The following TENM4 variants were observed in gnomAD, a reference collection of about 807,000 sequenced individuals.
The protein encoded by TENM4 is teneurin-4.
A neutral mutation model predicts 243.3 loss-of-function variants in TENM4; 82 were observed. The observed-to-expected ratio is 0.34, with a 90% confidence interval of 0.28 to 0.40. The LOEUF is 0.40. TENM4 is among the 10% of genes least tolerant of loss of function. TENM4 has a pLI of 1.00. For synonymous variants in TENM4, 1,412 were observed against 1,456.3 expected (o/e 0.97, Z 0.69); for missense variants, 3,138 against 3,673.3 (o/e 0.85, Z 3.77).
At chr11:79,147,891 A>T (rs1308881091) in intron 4 of TENM4, among the ~76,000 whole-genome samples, 2 of 152,108 alleles carry the variant, frequency 1.3e-5, no homozygotes, top group African/African-American at 4.8e-5. Context: ...GGCCCATTCC[A>T]GTGCCTGAGA....
chr11:79,369,325 C>T (rs905795762), intron 1 of TENM4, among the ~76,000 whole-genome samples: 5 of 152,156 alleles, frequency 3.3e-5, no homozygotes, highest in African/African-American at 1.2e-4. Flanking sequence ...AGTTAAGTAG[C>T]GGATGAAATC....
At chr11:78,687,332 C>T (rs769346172) in intron 29 of TENM4, among the ~76,000 whole-genome samples, 8 of 152,178 alleles carry the variant, frequency 5.3e-5, no homozygotes, top group Non-Finnish European at 8.8e-5. Flanking sequence ...CTGACTCTTA[C>T]CCTGAGGCTC....
chr11:78,939,822 A>G (rs1329394838), intron 6 of TENM4, among the ~76,000 whole-genome samples: 1 of 152,228 alleles, frequency 6.6e-6, no homozygotes, highest in Non-Finnish European at 1.5e-5. Context: ...TTTTTAAACA[A>G]GTTAGGCTAT....
At chr11:79,109,198 A>G (rs1565207222) in intron 4 of TENM4, among the ~76,000 whole-genome samples, 2 of 152,140 alleles carry the variant, frequency 1.3e-5, no homozygotes, top group South Asian at 4.1e-4. Flanking sequence ...TTTTTAATGG[A>G]AGCAGAATAT....
chr11:79,371,450 G>A (rs1030193797), intron 1 of TENM4, among the ~76,000 whole-genome samples: 3 of 152,132 alleles, frequency 2.0e-5, no homozygotes, highest in African/African-American at 7.2e-5. Context: ...ACCAGTTTGG[G>A]ATATGGGCCA....
intron 18 of TENM4, among the ~76,000 whole-genome samples, chr11:78,760,273 G>A (rs1856400198): frequency 6.6e-6 from 1 of 152,290 alleles, no homozygotes; most frequent in Admixed American, 6.5e-5. Context: ...GAGGTCGACG[G>A]AGCCTTTTAT....
chr11:78,780,465 G>A (rs1856818652), intron 16 of TENM4, among the ~76,000 whole-genome samples: 1 of 152,188 alleles, frequency 6.6e-6, no homozygotes, highest in Non-Finnish European at 1.5e-5. Context: ...TCTGAATCCA[G>A]TTATAGAAGA....
chr11:79,066,686 ATGCACACTCGAGCACACACACG>A (rs1445504995), intron 5 of TENM4, among the ~76,000 whole-genome samples: 78 of 151,236 alleles, frequency 5.2e-4, no homozygotes, highest in African/African-American at 1.9e-3. Flanking sequence ...ACACGCACGC[ATGCACACTCGAGCACACACACG>A]CATGCACACT....
intron 6 of TENM4, among the ~76,000 whole-genome samples, chr11:79,057,561 A>G (rs565938557): frequency 6.6e-6 from 1 of 152,232 alleles, no homozygotes; most frequent in African/African-American, 2.4e-5. Flanking sequence ...CCCCCTTTCC[A>G]TAACAACTAT....
intron 1 of TENM4, among the ~76,000 whole-genome samples, chr11:79,425,627 G>T (rs1056926293): frequency 3.9e-5 from 6 of 152,196 alleles, no homozygotes; most frequent in African/African-American, 1.4e-4. Flanking sequence ...TGTTGGCAGT[G>T]TTGCTGTGCT....
intron 3 of TENM4, among the ~76,000 whole-genome samples, chr11:79,161,979 C>T (rs1390960413): frequency 6.6e-6 from 1 of 152,176 alleles, no homozygotes; most frequent in East Asian, 1.9e-4. Flanking sequence ...ATCTGAGTGA[C>T]AATGATTGGG....
At chr11:78,941,225 T>A (rs1213157252) in intron 6 of TENM4, among the ~76,000 whole-genome samples, 1 of 152,138 alleles carries the variant, frequency 6.6e-6, no homozygotes, top group African/African-American at 2.4e-5. Context: ...GCCTCACTTG[T>A]GAAAAGAGGA....
chr11:78,931,688 G>A (rs1856672835), intron 6 of TENM4, among the ~76,000 whole-genome samples: 1 of 152,146 alleles, frequency 6.6e-6, no homozygotes. Context: ...GCTGCTATGG[G>A]GTAGAGTCAC....
At chr11:79,079,385 G>A (rs1337157244) in intron 4 of TENM4, among the ~76,000 whole-genome samples, 1 of 152,232 alleles carries the variant, frequency 6.6e-6, no homozygotes, top group East Asian at 1.9e-4. Context: ...GGCTGGGCAT[G>A]TGCAGGGCCT....
At chr11:78,990,735 C>A (rs1406126790) in intron 6 of TENM4, among the ~76,000 whole-genome samples, 1 of 152,130 alleles carries the variant, frequency 6.6e-6, no homozygotes, top group Non-Finnish European at 1.5e-5. Context: ...CTTTACTTTT[C>A]ATTTTACACC....
intron 6 of TENM4, among the ~76,000 whole-genome samples, chr11:78,940,933 G>A (rs1856878789): frequency 6.6e-6 from 1 of 152,194 alleles, no homozygotes; most frequent in African/African-American, 2.4e-5. Flanking sequence ...CTCTGTTAAA[G>A]CCAAGAGCTG....
At chr11:78,665,987 T>A (rs1427673998) in intron 32 of TENM4, among the ~76,000 whole-genome samples, 2 of 152,178 alleles carry the variant, frequency 1.3e-5, no homozygotes, top group African/African-American at 2.4e-5. Flanking sequence ...GATTGTCCAG[T>A]GACCTAAGCC....
At chr11:79,392,760 T>C (rs574864) in intron 1 of TENM4, among the ~76,000 whole-genome samples, 64,620 of 152,132 alleles carry the variant, frequency 0.42, 13,735 homozygotes, top group Non-Finnish European at 0.46. Context: ...AAGCATGACG[T>C]AGGGTTTAAG....
At chr11:78,685,572 A>G (rs1858645689) in intron 29 of TENM4, among the ~76,000 whole-genome samples, 1 of 152,234 alleles carries the variant, frequency 6.6e-6, no homozygotes, top group Non-Finnish European at 1.5e-5. Flanking sequence ...TCTGCCTAAA[A>G]AGTTATTAAA....
Sources: allele counts gnomAD v4.1 joint callset (sites outside exome capture counted in the v4.1 genomes callset), GRCh38; gene constraint gnomAD v4.1.1; transcripts MANE v1.5; gene names NCBI Gene and HGNC (gene_info 2026-07-23, HGNC 2026-07-21).